The following TMCC1 variants were observed in gnomAD, a reference collection of about 807,000 sequenced individuals.
TMCC1 encodes the protein transmembrane and coiled-coil domain family 1.
A neutral mutation model predicts 52.4 loss-of-function variants in TMCC1; 15 were observed. The observed-to-expected ratio is 0.29, with a 90% confidence interval of 0.19 to 0.44. TMCC1 has a LOEUF of 0.44. Among genes scored for constraint, TMCC1 ranks in the 20% least tolerant of loss-of-function variants. The pLI, the probability that TMCC1 is intolerant of heterozygous loss-of-function variation, is 1.00. For missense variants in TMCC1, 503 were observed against 806.0 expected (o/e 0.62, Z 4.55); for synonymous variants, 279 against 301.9 (o/e 0.92, Z 0.79).
Position 129,828,229 on chromosome 3 carries a change from T to C in TMCC1, c.150A>G (p.Gln50=). 1 of 1,614,180 alleles carries C rather than the reference T, an allele frequency of 6.2e-7. No individual in the cohort carries two copies. The highest frequency in any genetic ancestry group is 8.5e-7 in the Non-Finnish European group (1 of 1,180,024). The change falls in exon 4 of 7, where the codon CAA becomes CAG. Residue 50 remains glutamine (Q), a synonymous_variant. Transcript: ENST00000393238. This position sits in a 1 kb window ranked among gnomAD's most constrained non-coding sequence, Gnocchi z 4.1. The part of the protein sequence containing the change: ...NALENINVIG[Q]GLKHLFQHQR... ...GGTGCTGGAAGAGATGCTTCAAGCC[T>C]TGGCCAATCACGTTAATGTTCTCCA...
intron 4 of TMCC1, among the ~76,000 whole-genome samples, chr3:129,794,738 G>A (rs2056705670): frequency 6.6e-6 from 1 of 152,070 alleles, no homozygotes; most frequent in South Asian, 2.1e-4. Context: ...CTGATGTTCC[G>A]GTCTCTGTGG....
At chr3:129,789,725 C>T (rs1050767650) in intron 4 of TMCC1, among the ~76,000 whole-genome samples, 2 of 152,158 alleles carry the variant, frequency 1.3e-5, no homozygotes, top group African/African-American at 4.8e-5. Flanking sequence ...CATGATCTAC[C>T]CACCTCGGCC....
intron 4 of TMCC1, among the ~76,000 whole-genome samples, chr3:129,781,819 G>A (rs371156396): frequency 1.3e-5 from 2 of 152,170 alleles, no homozygotes; most frequent in South Asian, 2.1e-4. Context: ...AAGCAAGAAC[G>A]GATGCTGGGA....
intron 4 of TMCC1, among the ~76,000 whole-genome samples, chr3:129,732,919 G>A (rs934221991): frequency 2.6e-5 from 4 of 152,188 alleles, no homozygotes; most frequent in Non-Finnish European, 5.9e-5. Flanking sequence ...AACCAGAACT[G>A]AAGGCTTCTC....
chr3:129,686,659 C>T (rs761546292), intron 4 of TMCC1, among the ~76,000 whole-genome samples: 6 of 151,948 alleles, frequency 3.9e-5, no homozygotes, highest in Non-Finnish European at 7.4e-5. Context: ...AAACCAGTAA[C>T]CAAACAATAT....
chr3:129,863,916 C>T (rs1013515994), intron 2 of TMCC1, among the ~76,000 whole-genome samples: 6 of 151,994 alleles, frequency 3.9e-5, no homozygotes, highest in African/African-American at 1.4e-4. Flanking sequence ...TCAACATCCT[C>T]TCCATCCCCA....
intron 4 of TMCC1, among the ~76,000 whole-genome samples, chr3:129,818,089 C>A (rs1026373945): frequency 1.3e-5 from 2 of 151,816 alleles, no homozygotes; most frequent in Non-Finnish European, 2.9e-5. Flanking sequence ...GGATTACAGT[C>A]GTGAGCCACC....
chr3:129,681,208 A>C (rs1323230909), intron 4 of TMCC1, among the ~76,000 whole-genome samples: 1 of 152,158 alleles, frequency 6.6e-6, no homozygotes, highest in Non-Finnish European at 1.5e-5. Flanking sequence ...GTGACTAAGA[A>C]GTTTTACAAA....
Position 129,827,917 on chromosome 3 carries a change from G to C in TMCC1, c.462C>G (p.Pro154=). 1 of 1,614,122 alleles carries C rather than the reference G, an allele frequency of 6.2e-7. No homozygotes were observed. Among genetic ancestry groups the C allele is most frequent in the South Asian group, 1.1e-5 (1 of 91,090 alleles). Residue 154 remains proline, a synonymous_variant, in exon 4 of 7, where the codon CCC becomes CCG. Coordinates refer to ENST00000393238, the MANE Select transcript of TMCC1 (RefSeq NM_001017395.5). The stretch of plus-strand genomic sequence containing the variant: ...GTGCATCAGTTGTGGATGAAGACCT[G>C]GGTCGGCCTGACTGCATAACAGCTG... ...EMTAVMQSGR[P]RSSSTTDAPT... is the part of the protein sequence containing the mutation.
chr3:129,748,311 G>C (rs2107649399), intron 4 of TMCC1, among the ~76,000 whole-genome samples: 1 of 152,228 alleles, frequency 6.6e-6, no homozygotes, highest in South Asian at 2.1e-4. Context: ...TTGTTGTTTT[G>C]AGAGGGAGTC....
In TMCC1 at chr3:129,649,746, T is replaced by C. The variant is rs2086214330; in HGVS notation, c.*1735A>G. On this transcript the variant is annotated 3_prime_UTR_variant, in exon 7 of 7. Coordinates refer to ENST00000393238, the MANE Select transcript of TMCC1 (RefSeq NM_001017395.5). ...GTTACTCTTTTCAGGGCATCTTATA[T>C]GCACTTGGTTGCACAGAATGAGGCT... 1 of 152,506 alleles carries C rather than the reference T, an allele frequency of 6.6e-6. No individual in the cohort carries two copies. Among genetic ancestry groups the C allele is most frequent in the South Asian group, 2.1e-4 (1 of 4,832 alleles). 9.4% of individuals were successfully genotyped at this position (152,506 alleles called of 1,614,324 possible).
intron 2 of TMCC1, among the ~76,000 whole-genome samples, chr3:129,841,339 C>T (rs551090451): frequency 4.6e-5 from 7 of 152,330 alleles, no homozygotes; most frequent in African/African-American, 1.4e-4. Flanking sequence ...GTAATCCCGG[C>T]ACTTTGGGAG....
intron 1 of TMCC1, among the ~76,000 whole-genome samples, chr3:129,892,939 A>AC (rs2062041703): frequency 1.3e-5 from 2 of 152,126 alleles, no homozygotes; most frequent in African/African-American, 4.8e-5. Flanking sequence ...GCTCCTCCTC[A>AC]CATCCCACCT....
chr3:129,873,027 A>C (rs552302405), intron 2 of TMCC1, among the ~76,000 whole-genome samples: 2 of 151,160 alleles, frequency 1.3e-5, no homozygotes, highest in South Asian at 4.2e-4. Flanking sequence ...AAGCCTCCCG[A>C]GCAGCTGGGA....
At chr3:129,869,794 G>A (rs1391911577) in intron 2 of TMCC1, among the ~76,000 whole-genome samples, 1 of 152,178 alleles carries the variant, frequency 6.6e-6, no homozygotes, top group Non-Finnish European at 1.5e-5. Flanking sequence ...AAGAACAGTT[G>A]CCACTAAAAA....
intron 2 of TMCC1, among the ~76,000 whole-genome samples, chr3:129,849,088 A>G (rs2059794766): frequency 6.6e-6 from 1 of 152,232 alleles, no homozygotes; most frequent in Non-Finnish European, 1.5e-5. Flanking sequence ...TACTACTACT[A>G]TTAAACATGT....
chr3:129,874,726 G>A (rs547280162), intron 2 of TMCC1, among the ~76,000 whole-genome samples: 5 of 151,696 alleles, frequency 3.3e-5, no homozygotes, highest in African/African-American at 4.8e-5. Flanking sequence ...GTATGGTGGC[G>A]CACACCTGTA....
intron 4 of TMCC1, among the ~76,000 whole-genome samples, chr3:129,800,925 A>T (rs992164481): frequency 1.4e-3 from 167 of 117,860 alleles, no homozygotes; most frequent in Admixed American, 2.6e-3. Flanking sequence ...ATCTCACACT[A>T]TTTTTTTTTT....
chr3:129,764,060 A>T (rs1024306625), intron 4 of TMCC1, among the ~76,000 whole-genome samples: 4 of 152,212 alleles, frequency 2.6e-5, no homozygotes, highest in Admixed American at 6.5e-5. Flanking sequence ...ATTGGATCTA[A>T]AGTTTAAACC....
Sources: gnomAD v4.1 joint callset for allele counts (sites outside exome capture counted in the v4.1 genomes callset) on GRCh38, gnomAD v4.1.1 for gene constraint, Gnocchi (gnomAD v3.1) non-coding constraint, MANE v1.5 for transcripts, NCBI Gene and HGNC (gene_info 2026-07-23, HGNC 2026-07-21) for gene names.